Variants in FAM167A observed in about 807,000 individuals in gnomAD.
The protein encoded by FAM167A is family with sequence similarity 167 member A, also known as protein FAM167A.
FAM167A carries 23 observed loss-of-function variants against 14.9 expected under a neutral mutation model. That is an observed-to-expected ratio of 1.55 (90% CI 1.11 to 2.19). The LOEUF is 2.19. Ranked by LOEUF, FAM167A falls within the 30% of genes most tolerant of loss-of-function variation. The pLI, the probability that FAM167A is intolerant of heterozygous loss-of-function variation, is 0.00. For missense variants in FAM167A, 401 were observed against 281.5 expected (o/e 1.42, Z -3.04); for synonymous variants, 174 against 117.7 (o/e 1.48, Z -3.10).
intron 2 of FAM167A, among the ~76,000 whole-genome samples, chr8:11,440,947 A>G (rs1454105545): frequency 6.6e-6 from 1 of 152,234 alleles, no homozygotes; most frequent in African/African-American, 2.4e-5. Context: ...TGAGACTTAA[A>G]TAGAGCAGAA....
intron 2 of FAM167A, among the ~76,000 whole-genome samples, chr8:11,438,820 G>A (rs1471891347): frequency 6.6e-6 from 1 of 152,254 alleles, no homozygotes; most frequent in Non-Finnish European, 1.5e-5. Context: ...GAGAACAGAG[G>A]CTGGGACGAG....
intron 1 of FAM167A, among the ~76,000 whole-genome samples, chr8:11,454,071 G>T (rs965883222): frequency 6.6e-6 from 1 of 152,226 alleles, no homozygotes; most frequent in Non-Finnish European, 1.5e-5. Context: ...CTGGAAGGAA[G>T]AATTAGCTAC....
At chr8:11,438,166 C>T (rs1007414585) in intron 2 of FAM167A, 18 of 455,676 alleles carry the variant, frequency 4.0e-5, no homozygotes, top group Middle Eastern at 6.5e-4. Context: ...AAAAGACTTC[C>T]GCCTGCCTCT....
At chr8:11,448,285 C>T (rs1478570080) in intron 1 of FAM167A, among the ~76,000 whole-genome samples, 2 of 152,044 alleles carry the variant, frequency 1.3e-5, no homozygotes, top group Non-Finnish European at 2.9e-5. Flanking sequence ...TGCCCACAGC[C>T]ATGAGGCTAG....
upstream of FAM167A, among the ~76,000 whole-genome samples, chr8:11,469,203 T>A (rs1436204325): frequency 6.6e-6 from 1 of 152,190 alleles, no homozygotes; most frequent in South Asian, 2.1e-4. Flanking sequence ...GGAAAAAAGA[T>A]TGGAAGAGTG....
chr8:11,446,822 G>T (rs372168207), intron 1 of FAM167A, among the ~76,000 whole-genome samples: 2 of 152,236 alleles, frequency 1.3e-5, no homozygotes, highest in African/African-American at 4.8e-5. Context: ...CCCCTCCCAG[G>T]CGCCGTCTGC....
At chr8:11,455,331 G>C (rs1456077118) in intron 1 of FAM167A, among the ~76,000 whole-genome samples, 2 of 149,418 alleles carry the variant, frequency 1.3e-5, no homozygotes, top group Non-Finnish European at 3.0e-5. Flanking sequence ...GTGGGGGGTG[G>C]TTGCCTTGCT....
At chr8:11,461,095 G>C (rs946894385) in intron 1 of FAM167A, among the ~76,000 whole-genome samples, 1 of 152,194 alleles carries the variant, frequency 6.6e-6, no homozygotes, top group African/African-American at 2.4e-5. Context: ...AGAGGCCCTG[G>C]CTCCTGGGAG....
In FAM167A at chr8:11,424,348, C is replaced by T; in HGVS notation, c.*25G>A. ...CTCCAGCCCAAGCCCTCCGCTCCAG[C>T]CCCTCCGCCCAGTCTGAGGGCTCCT... On this transcript the variant is annotated 3_prime_UTR_variant, in exon 3 of 3. Transcript: ENST00000284486. 1 of 1,611,696 alleles carries T rather than the reference C, an allele frequency of 6.2e-7. No homozygotes were observed. Among genetic ancestry groups the T allele is most frequent in the Non-Finnish European group, 8.5e-7 (1 of 1,178,086 alleles).
At chr8:11,463,338 G>A (rs1197169419) in intron 1 of FAM167A, among the ~76,000 whole-genome samples, 1 of 152,208 alleles carries the variant, frequency 6.6e-6, no homozygotes, top group Non-Finnish European at 1.5e-5. Context: ...CAAGACTAGG[G>A]AGGTAGTGTC....
chr8:11,474,432 T>C (rs1797807182), intron 1 of FAM167A, among the ~76,000 whole-genome samples: 1 of 152,178 alleles, frequency 6.6e-6, no homozygotes, highest in South Asian at 2.1e-4. Flanking sequence ...GCCACAGTTT[T>C]TGGGCACAGA....
chr8:11,462,671 CT>C (rs1293916752), intron 1 of FAM167A, among the ~76,000 whole-genome samples: 1 of 152,176 alleles, frequency 6.6e-6, no homozygotes, highest in Admixed American at 6.5e-5. Flanking sequence ...TCCTAAACTC[CT>C]TTGCAGAGAT....
intron 2 of FAM167A, among the ~76,000 whole-genome samples, chr8:11,428,170 C>G (rs537879001): frequency 6.6e-6 from 1 of 152,288 alleles, no homozygotes; most frequent in African/African-American, 2.4e-5. Context: ...TGAAAAGATC[C>G]TTTGAAGTCG....
intron 1 of FAM167A, 184 bp from the exon 2 acceptor site, chr8:11,444,992 A>T: frequency 6.3e-6 from 4 of 632,292 alleles, no homozygotes; most frequent in Non-Finnish European, 7.9e-6. Context: ...GAAGTTAATG[A>T]GCAATTGAAA....
Position 11,424,638 on chromosome 8 carries a change from T to C in FAM167A, c.382-2A>G. ...CTGGTCCTGCAGCCGCATCTCCGTC[T>C]GGAAGGGAGGGGGAGCAGGCAGGGT... On this transcript the variant is annotated splice_acceptor_variant, in intron 2 of 2. Transcript: ENST00000284486. LOFTEE classifies it high-confidence loss of function. 1.2e-6 allele frequency: 2 copies of C among 1,613,190 alleles called. No individual in the cohort carries two copies. The highest frequency in any genetic ancestry group is 2.2e-5 in the South Asian group (2 of 91,064).
intron 2 of FAM167A, among the ~76,000 whole-genome samples, chr8:11,425,747 C>G (rs972464579): frequency 6.6e-6 from 1 of 152,144 alleles, no homozygotes. Flanking sequence ...ACAAAACAGA[C>G]TCTTTGTGGC....
At chr8:11,446,990 G>A (rs1254281787) in intron 1 of FAM167A, among the ~76,000 whole-genome samples, 1 of 152,146 alleles carries the variant, frequency 6.6e-6, no homozygotes, top group African/African-American at 2.4e-5. Flanking sequence ...CCCGCCCTGA[G>A]TTCTGTGAGG....
chr8:11,449,224 G>A (rs1412559506), intron 1 of FAM167A, among the ~76,000 whole-genome samples: 4 of 152,228 alleles, frequency 2.6e-5, no homozygotes, highest in Non-Finnish European at 5.9e-5. Flanking sequence ...AGCCCAAAGG[G>A]GTTTCTTCCC....
At position 11,422,702 on chromosome 8, in the gene FAM167A, A is replaced by G. The variant is rs1193175546; in HGVS notation, c.*1671T>C. The G allele has an allele frequency of 1.3e-5, 2 of 152,262 alleles. No homozygotes were observed. The highest frequency in any genetic ancestry group is 4.8e-5 in the African/African-American group (2 of 41,466). 9.4% of individuals were successfully genotyped at this position (152,262 alleles called of 1,614,324 possible). On this transcript the variant is annotated 3_prime_UTR_variant, in exon 3 of 3. Coordinates refer to ENST00000284486, the MANE Select transcript of FAM167A (RefSeq NM_053279.3). ...CATTGTCCTACTCTCAGCCCACAAA[A>G]GAAAAGCAACCTCTCCCCTATGTGG... is the stretch of plus-strand genomic sequence containing the variant.
Sources: allele counts gnomAD v4.1 joint callset (sites outside exome capture counted in the v4.1 genomes callset), GRCh38; gene constraint gnomAD v4.1.1; transcripts MANE v1.5; gene names NCBI Gene and HGNC (gene_info 2026-07-23, HGNC 2026-07-21).